DNAH1: variants seen among roughly 807,000 people sequenced by gnomAD.
DNAH1 encodes the protein dynein axonemal heavy chain 1.
DNAH1 carries 327 observed loss-of-function variants against 484.3 expected under a neutral mutation model. The ratio of observed to expected loss-of-function variants is 0.68; its 90% CI spans 0.62 to 0.74. The LOEUF (loss-of-function observed/expected upper bound fraction) is 0.74. DNAH1 is among the 30% of genes least tolerant of loss of function. DNAH1 has a pLI of 0.00. For missense variants in DNAH1, 5,052 were observed against 5,546.8 expected (o/e 0.91, Z 2.83); for synonymous variants, 2,192 against 2,191.9 (o/e 1.00, Z 0.00).
intron 52 of DNAH1, among the ~76,000 whole-genome samples, 167 bp downstream of exon 52, chr3:52,384,198 G>A (rs970402495): frequency 6.6e-6 from 1 of 152,224 alleles, no homozygotes; most frequent in South Asian, 2.1e-4. Context: ...CTGTAAATGC[G>A]CAGAGCCACA....
Position 52,366,878 on chromosome 3 carries a change from C to T in DNAH1, c.5756C>T (p.Thr1919Ile), listed in dbSNP as rs777957303. The T allele has an allele frequency of 6.2e-7, 1 of 1,612,286 alleles. No individual in the cohort carries two copies. The highest frequency in any genetic ancestry group is 1.7e-5 in the Admixed American group (1 of 59,940). The stretch of plus-strand genomic sequence containing the variant: ...CTGTACGGGGAGTTTGACCTCCTCA[C>T]CCATGAGTGGTGAGTGACCCCCCAG... ...GQLYGEFDLLTHEWTDGIFSS... is the reference protein window; with the variant it reads ...GQLYGEFDLLIHEWTDGIFSS... Residue 1919 changes from threonine (T) to isoleucine (I), a missense_variant, in exon 36 of 78, where the codon ACC (threonine) becomes ATC (isoleucine). This residue lies in a region of DNAH1 where 2,929 missense variants were observed against 3,409.4 expected (regional missense o/e 0.86). Coordinates refer to ENST00000420323, the MANE Select transcript of DNAH1 (RefSeq NM_015512.5).
At chr3:52,360,184 C>A in intron 27 of DNAH1, 105 bp downstream of exon 27, 2 of 1,535,618 alleles carry the variant, frequency 1.3e-6, no homozygotes, top group South Asian at 1.2e-5. Flanking sequence ...CCTTGAGGTT[C>A]TGGGACAAGC....
chr3:52,364,805 CT>C lies in DNAH1; in HGVS notation c.5332-27del, dbSNP rs1694371599. 3 of 1,610,036 alleles carry C rather than the reference CT, an allele frequency of 1.9e-6. No homozygotes were observed. The highest frequency in any genetic ancestry group is 2.5e-6 in the Non-Finnish European group (3 of 1,177,158). ...GCTGGAGGGCAGCTGGCCCACTGCC[CT>C]GAAGGCTCAGCCGGCACCTGCTGCA... On this transcript the variant is annotated intron_variant, in intron 33 of 77. Coordinates refer to ENST00000420323, the MANE Select transcript of DNAH1 (RefSeq NM_015512.5). The surrounding 1 kb of genome is among the most constrained non-coding windows in gnomAD (Gnocchi z 4.2).
intron 44 of DNAH1, chr3:52,374,557 A>G: frequency 6.7e-7 from 1 of 1,501,826 alleles, no homozygotes; most frequent in East Asian, 2.3e-5. Flanking sequence ...CAGTTGGCCA[A>G]ATGTGTCTCC....
chr3:52,375,108 A>G, intron 44 of DNAH1, 132 bp from the exon 45 acceptor site: 1 of 1,072,252 alleles, frequency 9.3e-7, no homozygotes, highest in Non-Finnish European at 1.3e-6. Context: ...TTCCTGTGTA[A>G]TATTGATGTA....
chr3:52,357,731 C>A lies in DNAH1; in HGVS notation c.3976C>A (p.Pro1326Thr). The part of the protein sequence containing the change: ...EYLETKRSAF[P>T]RFYFLSDDEL... Reference sequence around the variant, plus strand: ...TCTGGAGACCAAGAGGAGCGCCTTCCCCAGGTGGGCGCCACCTGGCCATGC... The same window carrying A: ...TCTGGAGACCAAGAGGAGCGCCTTCACCAGGTGGGCGCCACCTGGCCATGC... Residue 1326 changes from proline to threonine, a missense_variant, in exon 23 of 78, where the codon CCC (proline) becomes ACC (threonine). By Grantham distance (38) the Pro-to-Thr change is conservative (BLOSUM62 -1). Around this residue, in one of 4 missense-constraint regions of DNAH1, gnomAD observed 2,929 missense variants for 3,409.4 expected, o/e 0.86. Coordinates refer to ENST00000420323, the MANE Select transcript of DNAH1 (RefSeq NM_015512.5). 1 of 1,576,740 alleles carries A rather than the reference C, an allele frequency of 6.3e-7. No individual in the cohort carries two copies. Among genetic ancestry groups the A allele is most frequent in the African/African-American group, 1.3e-5 (1 of 74,108 alleles).
Position 52,366,906 on chromosome 3 carries a change from T to A in DNAH1, c.5765+19T>A. ...ATGAGTGGTGAGTGACCCCCCAGCC[T>A]CACCGGTGACCCCCTGCTCCCAGAC... On this transcript the variant is annotated intron_variant, in intron 36 of 77. Coordinates refer to ENST00000420323, the MANE Select transcript of DNAH1 (RefSeq NM_015512.5). 6.3e-7 allele frequency: 1 copy of A among 1,594,490 alleles called. No homozygotes were observed. The highest frequency in any genetic ancestry group is 8.6e-7 in the Non-Finnish European group (1 of 1,166,086).
At chr3:52,372,850 GA>G in intron 43 of DNAH1, 45 bp from the exon 44 acceptor site, 1 of 1,578,528 alleles carries the variant, frequency 6.3e-7, no homozygotes, top group Non-Finnish European at 8.6e-7. Flanking sequence ...ATTCTCAGAG[GA>G]CCTGGTGCCT....
chr3:52,389,743 G>T (rs1282395363), intron 60 of DNAH1, among the ~76,000 whole-genome samples, 157 bp downstream of exon 60: 2 of 152,228 alleles, frequency 1.3e-5, no homozygotes, highest in Non-Finnish European at 2.9e-5. Flanking sequence ...GTGGTAGGAG[G>T]ACAGGAGGAG....
Position 52,385,113 on chromosome 3 carries a change from C to T in DNAH1, c.8514+136C>T, listed in dbSNP as rs190213054. On this transcript the variant is annotated intron_variant, in intron 53 of 77. Coordinates refer to ENST00000420323, the MANE Select transcript of DNAH1 (RefSeq NM_015512.5). ...GACGTTGAAGTGGGTGGCTTCCCCC[C>T]TCATCAAAAGAACAAAAGTTGCCAG... 80 of 1,188,542 alleles carry T rather than the reference C, an allele frequency of 6.7e-5. 1 individual carries two copies. In the African/African-American group the frequency reaches 9.4e-4, roughly 14 times the overall value. The allele number at this position is 1,188,542 out of a possible 1,614,324, so 73.6% of individuals were successfully genotyped here.
upstream of DNAH1, among the ~76,000 whole-genome samples, chr3:52,313,574 G>A (rs1324726261): frequency 1.3e-5 from 2 of 152,164 alleles, no homozygotes; most frequent in Non-Finnish European, 2.9e-5. Flanking sequence ...CAAGGAAGTT[G>A]TCAGCTCTAA....
In DNAH1 at chr3:52,379,860, G is replaced by A. The variant is rs2153225078; in HGVS notation, c.7378-45G>A. On this transcript the variant is annotated intron_variant, in intron 47 of 77. Transcript: ENST00000420323. This position sits in a 1 kb window ranked among gnomAD's most constrained non-coding sequence, Gnocchi z 4.4. ...GCCTGGTGGTTTGAGAGATAGCTGA[G>A]GGCTTGGGGGCCAAGGACAGGCACC... 2 of 1,513,902 alleles carry A rather than the reference G, an allele frequency of 1.3e-6. No homozygotes were observed. The highest frequency in any genetic ancestry group is 2.5e-5 in the East Asian group (1 of 40,530). 93.8% of individuals were successfully genotyped at this position (1,513,902 alleles called of 1,614,324 possible).
At chr3:52,366,425 C>G in intron 34 of DNAH1, 32 bp from the exon 35 acceptor site, 1 of 1,553,922 alleles carries the variant, frequency 6.4e-7, no homozygotes, top group Non-Finnish European at 8.7e-7. Flanking sequence ...AGCCCATGCT[C>G]TGACCCTTGG....
intron 7 of DNAH1, 146 bp downstream of exon 7, chr3:52,331,455 G>C: frequency 1.0e-6 from 1 of 986,108 alleles, no homozygotes. Context: ...GTGAGGACCA[G>C]AGGACTCATC....
chr3:52,352,526 C>G, intron 17 of DNAH1, 26 bp from the exon 18 acceptor site: 1 of 1,598,812 alleles, frequency 6.3e-7, no homozygotes, highest in Non-Finnish European at 8.6e-7. Context: ...GCAGGGGCAT[C>G]TGACCCATTG....
At chr3:52,373,110 C>T (rs1192649203) in intron 44 of DNAH1, 57 bp downstream of exon 44, 6 of 1,529,352 alleles carry the variant, frequency 3.9e-6, no homozygotes, top group Non-Finnish European at 5.3e-6. Flanking sequence ...TGCAGGGGCA[C>T]AGGAGGCACA....
In DNAH1 at chr3:52,357,909, T is replaced by G; in HGVS notation, c.3992T>G (p.Leu1331Arg). ...KRSAFPRFYF[L>R]SDDELLEILS... ...TGTTCCCCTGGCAGATTCTACTTCC[T>G]GTCAGATGATGAACTACTAGAGATC... The change falls in exon 24 of 78, where the codon CTG becomes CGG. Residue 1331 changes from leucine (L) to arginine (R), a missense_variant. Leu to Arg is a moderately radical substitution (Grantham distance 102, BLOSUM62 -2). Coordinates refer to ENST00000420323, the MANE Select transcript of DNAH1 (RefSeq NM_015512.5). The G allele has an allele frequency of 6.2e-7, 1 of 1,612,848 alleles. No homozygotes were observed. Among genetic ancestry groups the G allele is most frequent in the East Asian group, 2.2e-5 (1 of 44,878 alleles).
In DNAH1 at chr3:52,361,651, CCTCA is replaced by C; in HGVS notation, c.4875-5_4875-2del. The stretch of plus-strand genomic sequence containing the variant: ...ACATGTGCCCCATCCAATGTTCCGG[CCTCA>C]CTCAGTGCTGGGGCCTGGGCCTGCT... On this transcript the variant is annotated splice_polypyrimidine_tract_variant and splice_region_variant and intron_variant, in intron 29 of 77. Transcript: ENST00000420323. The surrounding 1 kb of genome is among the most constrained non-coding windows in gnomAD (Gnocchi z 5.6). 2 of 1,595,292 alleles carry C rather than the reference CCTCA, an allele frequency of 1.3e-6. No homozygotes were observed. Among genetic ancestry groups the C allele is most frequent in the Non-Finnish European group, 1.7e-6 (2 of 1,171,198 alleles).
rs1445086326 is a variant in DNAH1, at chr3:52,386,677, C to T, written c.8827C>T (p.Arg2943Trp). The T allele has an allele frequency of 4.4e-6, 7 of 1,583,598 alleles. No homozygotes were observed. Among genetic ancestry groups the T allele is most frequent in the South Asian group, 2.3e-5 (2 of 86,204 alleles). The change falls in exon 56 of 78, where the codon CGG (arginine) becomes TGG (tryptophan). Residue 2943 changes from arginine (R) to tryptophan (W), a missense_variant. Coordinates refer to ENST00000420323, the MANE Select transcript of DNAH1 (RefSeq NM_015512.5). ...NDVTEVRAMQRPPPGVKLVIE... is the reference protein window; with the variant it reads ...NDVTEVRAMQWPPPGVKLVIE... ...GGGCCTGCAGGTACGTGCCATGCAGCGGCCACCCCCGGGTGTGAAACTGGT... is the reference window on the plus strand; with the variant it reads ...GGGCCTGCAGGTACGTGCCATGCAGTGGCCACCCCCGGGTGTGAAACTGGT...
Sources: allele counts gnomAD v4.1 joint callset (sites outside exome capture counted in the v4.1 genomes callset), GRCh38; gene constraint gnomAD v4.1.1; regional missense constraint gnomAD v4.1.1; non-coding constraint Gnocchi (gnomAD v3.1); transcripts MANE v1.5; gene names NCBI Gene and HGNC (gene_info 2026-07-23, HGNC 2026-07-21).